The following TICRR variants were observed in gnomAD, a reference collection of about 807,000 sequenced individuals.
TICRR encodes TOPBP1 interacting checkpoint and replication regulator.
Under a neutral mutation model 178.1 loss-of-function variants are expected in TICRR, and 132 were observed. The ratio of observed to expected loss-of-function variants is 0.74; its 90% CI spans 0.64 to 0.86. The LOEUF is 0.86. Ranked by LOEUF, TICRR falls within the 40% of genes least tolerant of loss-of-function variation. The pLI, the probability that TICRR is intolerant of heterozygous loss-of-function variation, is 0.00. For missense variants in TICRR, 2,587 were observed against 2,334.3 expected (o/e 1.11, Z -2.23); for synonymous variants, 991 against 900.7 (o/e 1.10, Z -1.79).
intron 14 of TICRR, among the ~76,000 whole-genome samples, chr15:89,607,054 A>C (rs1963186295): frequency 6.6e-6 from 1 of 152,202 alleles, no homozygotes; most frequent in African/African-American, 2.4e-5. Context: ...AAATTAAAAA[A>C]AACATCATGA....
chr15:89,588,789 G>A (rs1252046675), intron 4 of TICRR, among the ~76,000 whole-genome samples: 1 of 152,182 alleles, frequency 6.6e-6, no homozygotes, highest in African/African-American at 2.4e-5. Context: ...GAGACTGACG[G>A]TGGTGAGTCG....
At chr15:89,602,021 T>G (rs1368305775) in intron 12 of TICRR, 45 bp downstream of exon 12, 3 of 1,604,200 alleles carry the variant, frequency 1.9e-6, no homozygotes, top group Non-Finnish European at 2.6e-6. Context: ...CTGTTATAGT[T>G]CTGATAAAAG....
intron 8 of TICRR, 99 bp from the exon 9 acceptor site, chr15:89,600,486 G>A (rs1192097793): frequency 5.8e-6 from 3 of 516,856 alleles, no homozygotes; most frequent in Non-Finnish European, 6.8e-6. Flanking sequence ...GAATAGAGAA[G>A]TTTATAAGGG....
At chr15:89,621,982 CTTTTTTTT>C (rs34123859) in intron 19 of TICRR, among the ~76,000 whole-genome samples, 42 of 87,778 alleles carry the variant, frequency 4.8e-4, no homozygotes, top group Non-Finnish European at 6.4e-4. Flanking sequence ...CAAACTGACT[CTTTTTTTT>C]TTTTTTTTTT....
chr15:89,618,732 G>C (rs575451205), intron 17 of TICRR, among the ~76,000 whole-genome samples: 12 of 152,312 alleles, frequency 7.9e-5, no homozygotes, highest in African/African-American at 2.4e-4. Context: ...AAGCCAAGTG[G>C]GGAGGATCAC....
At chr15:89,611,627 G>C (rs1158604934) in intron 15 of TICRR, among the ~76,000 whole-genome samples, 2 of 152,012 alleles carry the variant, frequency 1.3e-5, no homozygotes, top group African/African-American at 4.8e-5. Context: ...TGGTACACTT[G>C]ATGGTGTCCT....
At position 89,627,465 on chromosome 15, in the gene TICRR, A is replaced by G. The variant is rs1208159018; in HGVS notation, c.*379A>G. 1 of 224,698 alleles carries G rather than the reference A, an allele frequency of 4.5e-6. No individual in the cohort carries two copies. Among genetic ancestry groups the G allele is most frequent in the East Asian group, 1.1e-4 (1 of 9,470 alleles). The allele number at this position is 224,698 out of a possible 1,614,324, so 13.9% of individuals were successfully genotyped here. On this transcript the variant is annotated 3_prime_UTR_variant, in exon 22 of 22. Coordinates refer to ENST00000268138, the MANE Select transcript of TICRR (RefSeq NM_152259.4). ...TCCCTGGGGTCCCTTGAGCTGCTGTAAGGCTGGGCTGCTGCGACACAGGCA... is the reference window on the plus strand; with the variant it reads ...TCCCTGGGGTCCCTTGAGCTGCTGTGAGGCTGGGCTGCTGCGACACAGGCA...
At chr15:89,615,906 A>T (rs1321447762) in intron 15 of TICRR, among the ~76,000 whole-genome samples, 4 of 149,512 alleles carry the variant, frequency 2.7e-5, no homozygotes, top group African/African-American at 4.9e-5. Context: ...TTTTTTTGAG[A>T]TGGAGTCTCC....
chr15:89,585,616 G>T, intron 3 of TICRR, 92 bp from the exon 4 acceptor site: 4 of 859,710 alleles, frequency 4.7e-6, no homozygotes, highest in South Asian at 1.6e-5. Context: ...AATAATAATT[G>T]GGAAAATGGT....
At position 89,618,214 on chromosome 15, in the gene TICRR, A is replaced by G. The variant is rs571612694; in HGVS notation, c.3019+4A>G. 1 of 1,613,770 alleles carries G rather than the reference A, an allele frequency of 6.2e-7. No homozygotes were observed. The highest frequency in any genetic ancestry group is 1.1e-5 in the South Asian group (1 of 91,070). Reference sequence around the variant, plus strand: ...GAGTCCCCTGAAAAAGGAGATGGTGAGTGTTATCTCTTTTTGTTTTTAATG... The same window carrying G: ...GAGTCCCCTGAAAAAGGAGATGGTGGGTGTTATCTCTTTTTGTTTTTAATG... On this transcript the variant is annotated splice_donor_region_variant and intron_variant, in intron 17 of 21. Transcript: ENST00000268138.
At position 89,608,954 on chromosome 15, in the gene TICRR, C is replaced by G; in HGVS notation, c.2869+5C>G. 6.3e-7 allele frequency: 1 copy of G among 1,584,054 alleles called. No individual in the cohort carries two copies. The highest frequency in any genetic ancestry group is 8.5e-7 in the Non-Finnish European group (1 of 1,170,502). On this transcript the variant is annotated splice_donor_5th_base_variant and intron_variant, in intron 15 of 21. Transcript: ENST00000268138. ...ACAACTTCAAGAAGAACAAAGGTAC[C>G]ACATTTCAGAATAGCTAGGAAAAAG...
At chr15:89,581,947 T>C (rs1395572410) in intron 1 of TICRR, among the ~76,000 whole-genome samples, 3 of 152,164 alleles carry the variant, frequency 2.0e-5, no homozygotes, top group Non-Finnish European at 4.4e-5. Flanking sequence ...GTCAGAGTGA[T>C]GGTCACCGTC....
rs193274074 is a variant in TICRR at position 89,612,426 on chromosome 15, G to C, written c.2869+3477G>C. On this transcript the variant is annotated intron_variant, in intron 15 of 21. Transcript: ENST00000268138. ...ACAGGAATCTGCCTGGTTGACCAAA[G>C]CATGCAACCCCCAATTTTTGGAGGA... is the stretch of plus-strand genomic sequence containing the variant. Among the ~76,000 whole-genome samples the C allele has an allele frequency of 4.5e-4, 68 of 152,236 alleles. No homozygotes were observed. In the East Asian group the frequency reaches 0.01, roughly 23 times the overall value.
Position 89,624,107 on chromosome 15 carries a change from A to G in TICRR, c.3797A>G (p.His1266Arg), listed in dbSNP as rs761093096. The change falls in exon 20 of 22, where the codon CAC becomes CGC. Residue 1266 changes from histidine (H) to arginine (R), a missense_variant. Transcript: ENST00000268138. Reference protein sequence around the residue: ...AFMGTPQNQTHQQPHVLRAAR... With the variant: ...AFMGTPQNQTRQQPHVLRAAR... ...ATGGGCACGCCTCAGAATCAAACAC[A>G]CCAACAGCCCCATGTCCTCAGAGCT... 6.2e-7 allele frequency: 1 copy of G among 1,613,674 alleles called. No individual in the cohort carries two copies. The highest frequency in any genetic ancestry group is 1.1e-5 in the South Asian group (1 of 91,054).
rs752244255 is a variant in TICRR, at chr15:89,619,852, G to A, written c.3154+10G>A. On this transcript the variant is annotated intron_variant, in intron 18 of 21. Coordinates refer to ENST00000268138, the MANE Select transcript of TICRR (RefSeq NM_152259.4). Reference sequence around the variant, plus strand: ...CAGCAAGATAAGTCAGGTAACATACGGGCCCCTCTGCCTTCACAAGTCCGT... The same window carrying A: ...CAGCAAGATAAGTCAGGTAACATACAGGCCCCTCTGCCTTCACAAGTCCGT... The A allele has an allele frequency of 1.2e-5, 19 of 1,600,930 alleles. No homozygotes were observed. Among genetic ancestry groups the A allele is most frequent in the South Asian group, 5.7e-5 (5 of 88,074 alleles).
chr15:89,576,821 G>GTATATATATA (rs369518649), intron 1 of TICRR, among the ~76,000 whole-genome samples: 3 of 92,440 alleles, frequency 3.2e-5, no homozygotes, highest in African/African-American at 1.2e-4. Context: ...ATGTGTGTGT[G>GTATATATATA]TATATATATA....
chr15:89,602,066 A>G (rs894497693), intron 12 of TICRR, 90 bp downstream of exon 12: 3 of 1,510,032 alleles, frequency 2.0e-6, no homozygotes, highest in African/African-American at 2.8e-5. Flanking sequence ...ATCTTTGTCC[A>G]TATAATTTGT....
In TICRR at chr15:89,594,466, C is replaced by T. The variant is rs369430806; in HGVS notation, c.1593C>T (p.Gly531=). Residue 531 remains glycine (G), a synonymous_variant, in exon 6 of 22, where the codon GGC becomes GGT. Coordinates refer to ENST00000268138, the MANE Select transcript of TICRR (RefSeq NM_152259.4). ...AGGAAGAGTCTTCCAAAACTGAAGGCGAATTAATACATTGCCTTGCCGAGC... is the reference window on the plus strand; with the variant it reads ...AGGAAGAGTCTTCCAAAACTGAAGGTGAATTAATACATTGCCTTGCCGAGC... The part of the protein sequence containing the change: ...ANKEESSKTE[G]ELIHCLAELY... 15 of 1,611,834 alleles carry T rather than the reference C, an allele frequency of 9.3e-6. No individual in the cohort carries two copies. The South Asian group carries it at 1.1e-4, about 12-fold the overall frequency.
chr15:89,577,152 G>A (rs1006493836), intron 1 of TICRR, among the ~76,000 whole-genome samples: 16 of 151,850 alleles, frequency 1.1e-4, no homozygotes, highest in Non-Finnish European at 2.1e-4. Context: ...TTGGCCTCCC[G>A]AAGTGCCAGG....
Sources: allele counts gnomAD v4.1 joint callset (sites outside exome capture counted in the v4.1 genomes callset), GRCh38; gene constraint gnomAD v4.1.1; transcripts MANE v1.5; gene names NCBI Gene and HGNC (gene_info 2026-07-23, HGNC 2026-07-21).